VSTM4: variants seen among roughly 807,000 people sequenced by gnomAD.
VSTM4 encodes the protein V-set and transmembrane domain-containing protein 4.
In VSTM4, 20 loss-of-function variants were observed where a neutral mutation model predicts 36.4. The ratio of observed to expected loss-of-function variants is 0.55; its 90% CI spans 0.39 to 0.80. VSTM4 has a LOEUF of 0.80. VSTM4 is among the 30% of genes least tolerant of loss of function. VSTM4 has a pLI of 0.00. For synonymous variants in VSTM4, 182 were observed against 173.9 expected (o/e 1.05, Z -0.37); for missense variants, 392 against 404.5 (o/e 0.97, Z 0.26).
intron 5 of VSTM4, among the ~76,000 whole-genome samples, chr10:49,061,992 T>C (rs897067273): frequency 1.3e-5 from 2 of 152,338 alleles, no homozygotes; most frequent in East Asian, 1.9e-4. Context: ...GATCTACCTA[T>C]AGGAATTCTG....
intron 3 of VSTM4, among the ~76,000 whole-genome samples, chr10:49,081,492 T>G (rs953340049): frequency 1.3e-5 from 2 of 152,226 alleles, no homozygotes; most frequent in African/African-American, 4.8e-5. Context: ...GGGACAAGGT[T>G]GCAGGTAAGA....
At chr10:49,058,202 T>C (rs1229843052) in intron 5 of VSTM4, among the ~76,000 whole-genome samples, 2 of 152,172 alleles carry the variant, frequency 1.3e-5, no homozygotes, top group Non-Finnish European at 2.9e-5. Flanking sequence ...GCAAGTACTT[T>C]ATTATCTCAA....
At chr10:49,029,442 C>T (rs1843312208) in intron 7 of VSTM4, among the ~76,000 whole-genome samples, 1 of 152,156 alleles carries the variant, frequency 6.6e-6, no homozygotes, top group African/African-American at 2.4e-5. Flanking sequence ...TAATTTTCAC[C>T]ATCTCGCTCC....
chr10:49,093,742 C>CTTTTTTTTTT (rs35299738), intron 2 of VSTM4, among the ~76,000 whole-genome samples: 2 of 103,660 alleles, frequency 1.9e-5, no homozygotes, highest in African/African-American at 7.6e-5. Context: ...CATAGTTACT[C>CTTTTTTTTTT]TTTTTTTTTT....
chr10:49,055,755 C>T (rs992894448), intron 5 of VSTM4, among the ~76,000 whole-genome samples: 8 of 152,230 alleles, frequency 5.3e-5, no homozygotes, highest in Non-Finnish European at 1.5e-5. Flanking sequence ...GTGCCACCCA[C>T]TCACAGGGAC....
chr10:49,031,909 G>T (rs991459947), intron 7 of VSTM4, among the ~76,000 whole-genome samples: 5 of 151,984 alleles, frequency 3.3e-5, no homozygotes, highest in African/African-American at 1.2e-4. Context: ...GTTCATTCAG[G>T]GTCTACTTCA....
At chr10:49,053,276 G>A (rs923724876) in intron 5 of VSTM4, among the ~76,000 whole-genome samples, 7 of 152,298 alleles carry the variant, frequency 4.6e-5, no homozygotes, top group Admixed American at 2.0e-4. Flanking sequence ...GATGTCGCAC[G>A]TGCAGAGGCC....
chr10:49,032,563 A>G (rs1185186978), intron 7 of VSTM4, among the ~76,000 whole-genome samples: 1 of 152,220 alleles, frequency 6.6e-6, no homozygotes, highest in African/African-American at 2.4e-5. Context: ...GCTCCTAGAA[A>G]GACATCTGAC....
chr10:49,088,542 G>A (rs1255410382), intron 2 of VSTM4, among the ~76,000 whole-genome samples: 1 of 152,262 alleles, frequency 6.6e-6, no homozygotes, highest in Non-Finnish European at 1.5e-5. Flanking sequence ...GAAAGAGCCA[G>A]TGGATTTTGT....
intron 5 of VSTM4, among the ~76,000 whole-genome samples, chr10:49,052,011 C>T (rs1436420452): frequency 6.6e-6 from 1 of 152,088 alleles, no homozygotes; most frequent in Non-Finnish European, 1.5e-5. Flanking sequence ...TTAGCCATTT[C>T]CCTAACATCT....
intron 2 of VSTM4, among the ~76,000 whole-genome samples, chr10:49,090,754 G>A (rs1844459091): frequency 6.6e-6 from 1 of 152,222 alleles, no homozygotes; most frequent in Non-Finnish European, 1.5e-5. Context: ...CCTGTGCTCT[G>A]AGACTGGTCT....
At chr10:49,062,289 T>C (rs772851310) in intron 5 of VSTM4, among the ~76,000 whole-genome samples, 1 of 150,674 alleles carries the variant, frequency 6.6e-6, no homozygotes, top group African/African-American at 2.5e-5. Flanking sequence ...CCATTATTCC[T>C]TCTTCCTTCC....
At chr10:49,097,251 A>G (rs1446332172) in intron 2 of VSTM4, among the ~76,000 whole-genome samples, 2 of 152,320 alleles carry the variant, frequency 1.3e-5, no homozygotes, top group African/African-American at 2.4e-5. Flanking sequence ...TGAAGAAGCA[A>G]GCAAGCTTAA....
At chr10:49,039,225 A>G (rs1009049825) in intron 7 of VSTM4, among the ~76,000 whole-genome samples, 3 of 152,070 alleles carry the variant, frequency 2.0e-5, no homozygotes, top group Non-Finnish European at 4.4e-5. Context: ...AGGCAGGCGT[A>G]GGTGAGGACA....
chr10:49,062,664 A>C (rs1272368410), intron 5 of VSTM4, among the ~76,000 whole-genome samples: 1 of 152,194 alleles, frequency 6.6e-6, no homozygotes, highest in South Asian at 2.1e-4. Flanking sequence ...GGGAGTTTTC[A>C]GCCATTATTT....
At chr10:49,031,119 A>T (rs1689506986) in intron 7 of VSTM4, among the ~76,000 whole-genome samples, 1 of 152,190 alleles carries the variant, frequency 6.6e-6, no homozygotes, top group African/African-American at 2.4e-5. Flanking sequence ...TTCAACATAG[A>T]TGTTCATGCT....
intron 4 of VSTM4, among the ~76,000 whole-genome samples, chr10:49,070,482 A>C (rs576239880): frequency 6.6e-6 from 1 of 152,126 alleles, no homozygotes; most frequent in South Asian, 2.1e-4. Flanking sequence ...AAGGGCCTTC[A>C]CTTGTCTGAG....
chr10:49,027,339 G>A (rs1227370798), intron 7 of VSTM4, among the ~76,000 whole-genome samples: 2 of 152,150 alleles, frequency 1.3e-5, no homozygotes, highest in South Asian at 2.1e-4. Context: ...GGCCCCCCAC[G>A]CTGCAGGCAT....
chr10:49,047,450 TC>T, intron 6 of VSTM4, among the ~76,000 whole-genome samples: 1 of 152,034 alleles, frequency 6.6e-6, no homozygotes, highest in Non-Finnish European at 1.5e-5. Flanking sequence ...GGTCTTATTG[TC>T]CCCACTTAAC....
Sources: allele counts gnomAD v4.1 joint callset (sites outside exome capture counted in the v4.1 genomes callset), GRCh38; gene constraint gnomAD v4.1.1; transcripts MANE v1.5; gene names NCBI Gene and HGNC (gene_info 2026-07-23, HGNC 2026-07-21).